HEMK1: variants seen among roughly 807,000 people sequenced by gnomAD.
HEMK1 encodes the protein HemK methyltransferase 1, mitochondrial release factors N(5)-glutamine.
HEMK1 carries 36 observed loss-of-function variants against 47.9 expected under a neutral mutation model. The ratio of observed to expected loss-of-function variants is 0.75; its 90% CI spans 0.58 to 0.99. The LOEUF (loss-of-function observed/expected upper bound fraction) is 0.99, where lower values mean the gene tolerates loss of function less well. Ranked by LOEUF, HEMK1 falls within the 50% of genes least tolerant of loss-of-function variation. HEMK1 has a pLI of 0.00. For missense variants in HEMK1, 383 were observed against 434.5 expected, an observed-to-expected ratio of 0.88 and a Z score of 1.05; for synonymous variants, 153 against 165.4, an observed-to-expected ratio of 0.93 and a Z score of 0.57.
In HEMK1 at chr3:50,594,905, C is replaced by CT. The variant is rs35861801; in HGVS notation, c.*14501dup. 0.76 allele frequency: 111,721 copies of CT among 146,134 alleles called. 43,654 individuals are homozygous for CT. The highest frequency in any genetic ancestry group is 0.88 in the South Asian group (4,042 of 4,616). 9.1% of individuals were successfully genotyped at this position (146,134 alleles called of 1,614,324 possible). Reference sequence around the variant, plus strand: ...GAAGGCTGAGATTTTATCCGACTTTCTTTTTTTTTTTTTGAGACAGAGTCT... The same window carrying CT: ...GAAGGCTGAGATTTTATCCGACTTTCTTTTTTTTTTTTTTGAGACAGAGTCT... On this transcript the variant is annotated 3_prime_UTR_variant, in exon 11 of 11. Transcript: ENST00000232854.
chr3:50,571,145 G>T lies in HEMK1; in HGVS notation c.41G>T (p.Gly14Val), dbSNP rs761476161. ...CGAATGCTGTGGGCCCTCCTGTCTG[G>T]CCCAGGGAGGAGGGGAAGTACCCGG... ...WGRMLWALLS[G>V]PGRRGSTRGW... The change falls in exon 2 of 11, where the codon GGC becomes GTC. Residue 14 changes from glycine to valine, a missense_variant. Transcript: ENST00000232854. 1 of 1,612,374 alleles carries T rather than the reference G, an allele frequency of 6.2e-7. No homozygotes were observed. Among genetic ancestry groups the T allele is most frequent in the Non-Finnish European group, 8.5e-7 (1 of 1,179,276 alleles).
chr3:50,577,710 G>T, intron 6 of HEMK1, 116 bp from the exon 7 acceptor site: 5 of 1,344,272 alleles, frequency 3.7e-6, no homozygotes, highest in Non-Finnish European at 5.4e-6. Flanking sequence ...GTTCTGAATG[G>T]GTAGTGGGCA....
rs886454980 is a variant in HEMK1 at position 50,595,954 on chromosome 3, ATT to A, written c.*15541_*15542del. ...TGCTCTAAAGGACTCTTAGAATTTC[ATT>A]TTTAATGTTTAATATTTGGTCCATC... On this transcript the variant is annotated 3_prime_UTR_variant, in exon 11 of 11. Transcript: ENST00000232854. 1.2e-4 allele frequency: 19 copies of A among 152,178 alleles called. No homozygotes were observed. The highest frequency in any genetic ancestry group is 4.3e-4 in the African/African-American group (18 of 41,434). 9.4% of individuals were successfully genotyped at this position (152,178 alleles called of 1,614,324 possible). A position where few individuals can be genotyped will look rare whatever the true frequency, so the allele number is the denominator to read the frequency against.
rs2031570729 is a variant in HEMK1, at chr3:50,588,967, G to C, written c.*8550G>C. 1 of 152,124 alleles carries C rather than the reference G, an allele frequency of 6.6e-6. No homozygotes were observed. Among genetic ancestry groups the C allele is most frequent in the South Asian group, 2.1e-4 (1 of 4,826 alleles). 9.4% of individuals were successfully genotyped at this position (152,124 alleles called of 1,614,324 possible). On this transcript the variant is annotated 3_prime_UTR_variant, in exon 11 of 11. Coordinates refer to ENST00000232854, the MANE Select transcript of HEMK1 (RefSeq NM_016173.5). ...CCTGTCTCAGCCCCCCAGAACTTTG[G>C]AGCTCATTCTTTCAAAGTACATTTC...
chr3:50,576,693 G>C (rs1018184959), intron 4 of HEMK1, among the ~76,000 whole-genome samples: 2 of 152,230 alleles, frequency 1.3e-5, no homozygotes, highest in Non-Finnish European at 2.9e-5. Context: ...ACAGGCATGA[G>C]CCACCGTGCC....
Position 50,594,209 on chromosome 3 carries a change from C to T in HEMK1, c.*13792C>T, listed in dbSNP as rs959514420. ...TGCTATTGATTTTGGATAGATGGCC[C>T]TTTTCTACTTAAAAATGGTTCAGTC... On this transcript the variant is annotated 3_prime_UTR_variant, in exon 11 of 11. Transcript: ENST00000232854. 1 of 152,114 alleles carries T rather than the reference C, an allele frequency of 6.6e-6. No homozygotes were observed. The highest frequency in any genetic ancestry group is 2.4e-5 in the African/African-American group (1 of 41,416). 9.4% of individuals were successfully genotyped at this position (152,114 alleles called of 1,614,324 possible). A position where few individuals can be genotyped will look rare whatever the true frequency, so the allele number is the denominator to read the frequency against.
In HEMK1 at chr3:50,588,434, C is replaced by T. The variant is rs2031523126; in HGVS notation, c.*8017C>T. ...TGCCGAGGCCAAATGCAGCCCAGGG[C>T]CTCAACCCCCCAGAGGGGCCTCAGG... On this transcript the variant is annotated 3_prime_UTR_variant, in exon 11 of 11. Coordinates refer to ENST00000232854, the MANE Select transcript of HEMK1 (RefSeq NM_016173.5). 1.3e-5 allele frequency: 2 copies of T among 152,272 alleles called. No individual in the cohort carries two copies. Among genetic ancestry groups the T allele is most frequent in the South Asian group, 4.1e-4 (2 of 4,838 alleles). 9.4% of individuals were successfully genotyped at this position (152,272 alleles called of 1,614,324 possible).
chr3:50,572,784 G>T (rs566497677), intron 4 of HEMK1, among the ~76,000 whole-genome samples: 3 of 152,236 alleles, frequency 2.0e-5, no homozygotes, highest in African/African-American at 4.8e-5. Flanking sequence ...GATGTGTGGC[G>T]CAAGTGTGTT....
Position 50,590,553 on chromosome 3 carries a change from A to G in HEMK1, c.*10136A>G, listed in dbSNP as rs77342045. 4 of 146,458 alleles carry G rather than the reference A, an allele frequency of 2.7e-5. No individual in the cohort carries two copies. The highest frequency in any genetic ancestry group is 1.4e-4 in the Admixed American group (2 of 14,684). 9.1% of individuals were successfully genotyped at this position (146,458 alleles called of 1,614,324 possible). ...CGTGGGCGACAGCAAGACTGTTTCA[A>G]AAAAAAAAAAGAGGAAGAGTGAAAG... On this transcript the variant is annotated 3_prime_UTR_variant, in exon 11 of 11. Transcript: ENST00000232854.
rs1404475249 is a variant in HEMK1, at chr3:50,571,596, G to A, written c.229-114G>A. On this transcript the variant is annotated intron_variant, in intron 2 of 10. Transcript: ENST00000232854. Reference sequence around the variant, plus strand: ...GATGCTGCCCCCTCTGGGCCCAGATGATGAGAGGGTTGGGCCTCCAGACCA... The same window carrying A: ...GATGCTGCCCCCTCTGGGCCCAGATAATGAGAGGGTTGGGCCTCCAGACCA... 8 of 997,914 alleles carry A rather than the reference G, an allele frequency of 8.0e-6. No individual in the cohort carries two copies. In the African/African-American group the frequency reaches 1.1e-4, roughly 14 times the overall value. The allele number at this position is 997,914 out of a possible 1,614,324, so 61.8% of individuals were successfully genotyped here. A position where few individuals can be genotyped will look rare whatever the true frequency, so the allele number is the denominator to read the frequency against.
chr3:50,578,767 CCTT>C, intron 7 of HEMK1, 51 bp from the exon 8 acceptor site: 1 of 1,203,688 alleles, frequency 8.3e-7, no homozygotes, highest in South Asian at 1.3e-5. Flanking sequence ...GAGCTATCAT[CCTT>C]TACCTCCCAA....
At chr3:50,571,377 G>C (rs1244259228) in intron 2 of HEMK1, 45 bp downstream of exon 2, 2 of 1,416,662 alleles carry the variant, frequency 1.4e-6, no homozygotes, top group African/African-American at 2.9e-5. Context: ...GGAGGAGGGA[G>C]GACTTGGGGA....
chr3:50,573,923 G>A (rs1160728131), intron 4 of HEMK1, among the ~76,000 whole-genome samples: 1 of 152,224 alleles, frequency 6.6e-6, no homozygotes, highest in Non-Finnish European at 1.5e-5. Context: ...CACCCAGCCT[G>A]CTGTGAGGCT....
intron 4 of HEMK1, among the ~76,000 whole-genome samples, chr3:50,573,203 G>A (rs184291779): frequency 3.5e-4 from 53 of 152,288 alleles, no homozygotes; most frequent in Non-Finnish European, 6.3e-4. Flanking sequence ...AAGTCACAGG[G>A]CTGTCAAGGA....
rs2031822103 is a variant in HEMK1, at chr3:50,593,447, T to A, written c.*13030T>A. 6.6e-6 allele frequency: 1 copy of A among 152,140 alleles called. No homozygotes were observed. Among genetic ancestry groups the A allele is most frequent in the Non-Finnish European group, 1.5e-5 (1 of 68,030 alleles). The allele number at this position is 152,140 out of a possible 1,614,324, so 9.4% of individuals were successfully genotyped here. On this transcript the variant is annotated 3_prime_UTR_variant, in exon 11 of 11. Transcript: ENST00000232854. ...CGGAAGGTGGCTTTCAGCTCCCCCCTTCTCATTTTTTCTTACTGTGGCTGC... is the reference window on the plus strand; with the variant it reads ...CGGAAGGTGGCTTTCAGCTCCCCCCATCTCATTTTTTCTTACTGTGGCTGC...
In HEMK1 at chr3:50,572,096, C is replaced by G. The variant is rs905133303; in HGVS notation, c.321-19C>G. 6.2e-7 allele frequency: 1 copy of G among 1,611,884 alleles called. No homozygotes were observed. On this transcript the variant is annotated intron_variant, in intron 3 of 10. Coordinates refer to ENST00000232854, the MANE Select transcript of HEMK1 (RefSeq NM_016173.5). ...TCCTAGCTCTGTCCCTGATGACCAC[C>G]CAGCTGCCCCCTCTGCAGGATGCCG...
At chr3:50,576,961 C>A in intron 4 of HEMK1, 91 bp from the exon 5 acceptor site, 1 of 1,494,434 alleles carries the variant, frequency 6.7e-7, no homozygotes, top group Non-Finnish European at 9.1e-7. Flanking sequence ...CCCCTTCCTA[C>A]GTTCACAAGG....
intron 7 of HEMK1, among the ~76,000 whole-genome samples, chr3:50,578,179 A>G (rs936336889): frequency 6.6e-6 from 1 of 152,202 alleles, no homozygotes; most frequent in South Asian, 2.1e-4. Flanking sequence ...GATAAGCAAA[A>G]GCTTAAAATA....
At chr3:50,579,992 T>G (rs1384694399) in intron 9 of HEMK1, 53 bp downstream of exon 9, 12 of 1,534,020 alleles carry the variant, frequency 7.8e-6, no homozygotes, top group Non-Finnish European at 1.1e-5. Flanking sequence ...CCTCTGCTCC[T>G]AATGTGTACT....
Sources: allele counts gnomAD v4.1 joint callset (sites outside exome capture counted in the v4.1 genomes callset), GRCh38; gene constraint gnomAD v4.1.1; transcripts MANE v1.5; gene names NCBI Gene and HGNC (gene_info 2026-07-23, HGNC 2026-07-21).